The following RASGRF2 variants were observed in gnomAD, a reference collection of about 807,000 sequenced individuals.
The protein encoded by RASGRF2 is Ras protein specific guanine nucleotide releasing factor 2.
RASGRF2 carries 76 observed loss-of-function variants against 151.0 expected under a neutral mutation model. That is an observed-to-expected ratio of 0.50 (90% CI 0.42 to 0.61). The LOEUF is 0.61. RASGRF2 is among the 20% of genes least tolerant of loss of function. RASGRF2 has a pLI of 0.00. For missense variants in RASGRF2, 1,148 were observed against 1,564.6 expected (o/e 0.73, Z 4.49); for synonymous variants, 504 against 566.5 (o/e 0.89, Z 1.57).
At chr5:81,019,199 A>G (rs536113612) in intron 1 of RASGRF2, among the ~76,000 whole-genome samples, 1 of 151,510 alleles carries the variant, frequency 6.6e-6, no homozygotes, top group African/African-American at 2.4e-5. Flanking sequence ...CCTGGACTTC[A>G]GAGGACCACT....
chr5:81,182,036 G>A (rs1247207698), intron 18 of RASGRF2, among the ~76,000 whole-genome samples: 1 of 152,148 alleles, frequency 6.6e-6, no homozygotes, highest in African/African-American at 2.4e-5. Flanking sequence ...TTTACAGTAA[G>A]GTTTGCCACC....
At chr5:81,222,786 A>C (rs1755881526) in intron 26 of RASGRF2, among the ~76,000 whole-genome samples, 1 of 152,088 alleles carries the variant, frequency 6.6e-6, no homozygotes, top group Non-Finnish European at 1.5e-5. Context: ...TTGAACAGGA[A>C]AAAATTCACC....
At position 80,962,753 on chromosome 5, in the gene RASGRF2, T is replaced by C. The variant is rs1477262096; in HGVS notation, c.288+1727T>C. Among the ~76,000 whole-genome samples, 6 of 152,210 alleles carry C rather than the reference T, an allele frequency of 3.9e-5. No homozygotes were observed. In the East Asian group the frequency reaches 9.6e-4, roughly 24 times the overall value. The stretch of plus-strand genomic sequence containing the variant: ...TAATCTTCAAGACTGTTTTCTTTCT[T>C]GCACTTTAATAAGGAAACATAACTT... On this transcript the variant is annotated intron_variant, in intron 1 of 26. Coordinates refer to ENST00000265080, the MANE Select transcript of RASGRF2 (RefSeq NM_006909.3).
chr5:81,138,392 G>A (rs1431552017), intron 17 of RASGRF2, among the ~76,000 whole-genome samples: 3 of 152,152 alleles, frequency 2.0e-5, no homozygotes, highest in South Asian at 4.1e-4. Context: ...AGAGGGGACT[G>A]GAATGGGAAA....
At chr5:81,024,050 G>T (rs1749923251) in intron 1 of RASGRF2, among the ~76,000 whole-genome samples, 1 of 152,056 alleles carries the variant, frequency 6.6e-6, no homozygotes, top group Non-Finnish European at 1.5e-5. Flanking sequence ...GAACTTGAGA[G>T]TTAAGAACTA....
intron 17 of RASGRF2, among the ~76,000 whole-genome samples, chr5:81,158,825 C>T (rs1183132274): frequency 1.3e-5 from 2 of 152,194 alleles, no homozygotes; most frequent in African/African-American, 4.8e-5. Flanking sequence ...AACCCTCATA[C>T]ATTACTGGTG....
intron 21 of RASGRF2, among the ~76,000 whole-genome samples, 172 bp downstream of exon 21, chr5:81,207,521 G>C (rs1319609686): frequency 1.3e-5 from 2 of 152,212 alleles, no homozygotes; most frequent in African/African-American, 4.8e-5. Context: ...CACTCTGCAG[G>C]ATGGGAGCAG....
chr5:81,070,442 T>A (rs1751737122), intron 3 of RASGRF2, 50 bp from the exon 4 acceptor site: 1 of 1,461,186 alleles, frequency 6.8e-7, no homozygotes, highest in Non-Finnish European at 9.6e-7. Flanking sequence ...TGTGTATGGC[T>A]ATAATCCAGC....
intron 1 of RASGRF2, among the ~76,000 whole-genome samples, chr5:81,034,198 A>C (rs923615172): frequency 2.0e-5 from 3 of 152,228 alleles, no homozygotes; most frequent in African/African-American, 4.8e-5. Flanking sequence ...ACATGAAAAA[A>C]TGCTCACCAT....
At chr5:81,070,470 A>G in intron 3 of RASGRF2, 22 bp from the exon 4 acceptor site, 1 of 1,556,890 alleles carries the variant, frequency 6.4e-7, no homozygotes, top group Non-Finnish European at 8.9e-7. Context: ...AAATCATGAA[A>G]TGGACCAACT....
At chr5:81,119,570 G>C (rs1377279186) in intron 15 of RASGRF2, among the ~76,000 whole-genome samples, 1 of 152,204 alleles carries the variant, frequency 6.6e-6, no homozygotes, top group Non-Finnish European at 1.5e-5. Flanking sequence ...ATGAGAAAGA[G>C]CTGGATCAAG....
Position 81,040,946 on chromosome 5 carries a change from T to C in RASGRF2, c.289-1931T>C, listed in dbSNP as rs576373138. Among the ~76,000 whole-genome samples the C allele has an allele frequency of 1.2e-4, 19 of 152,320 alleles. No individual in the cohort carries two copies. In the South Asian group the frequency reaches 3.7e-3, roughly 30 times the overall value. Reference sequence around the variant, plus strand: ...GGATCTAGTGGCTTGTTTTAAAGCATTTTGAAACTTTATAGGCTAGAGCAT... The same window carrying C: ...GGATCTAGTGGCTTGTTTTAAAGCACTTTGAAACTTTATAGGCTAGAGCAT... On this transcript the variant is annotated intron_variant, in intron 1 of 26. Transcript: ENST00000265080.
chr5:81,136,759 G>A (rs1753763028), intron 17 of RASGRF2, among the ~76,000 whole-genome samples: 1 of 151,922 alleles, frequency 6.6e-6, no homozygotes, highest in Non-Finnish European at 1.5e-5. Flanking sequence ...CTTTGAAATT[G>A]TCCCACAGTT....
At chr5:80,986,070 T>C (rs1748464250) in intron 1 of RASGRF2, among the ~76,000 whole-genome samples, 1 of 152,170 alleles carries the variant, frequency 6.6e-6, no homozygotes, top group African/African-American at 2.4e-5. Flanking sequence ...GAGCCCTAGC[T>C]AGCAAGCAGA....
At chr5:81,125,737 T>TTAA (rs1465415934) in intron 16 of RASGRF2, among the ~76,000 whole-genome samples, 1 of 152,252 alleles carries the variant, frequency 6.6e-6, no homozygotes, top group Non-Finnish European at 1.5e-5. Context: ...TATAAAATTT[T>TTAA]TAATTCACAT....
intron 17 of RASGRF2, among the ~76,000 whole-genome samples, chr5:81,176,250 A>G (rs529456928): frequency 6.6e-6 from 1 of 152,336 alleles, no homozygotes; most frequent in South Asian, 2.1e-4. Flanking sequence ...TAATTTAAAT[A>G]TGGACTACAC....
intron 17 of RASGRF2, among the ~76,000 whole-genome samples, chr5:81,127,650 A>G (rs1753494562): frequency 6.6e-6 from 1 of 152,142 alleles, no homozygotes; most frequent in Non-Finnish European, 1.5e-5. Flanking sequence ...TTGGCCAGGC[A>G]CAGTGGCTCA....
At chr5:81,110,409 T>G (rs973736035) in intron 13 of RASGRF2, among the ~76,000 whole-genome samples, 50 of 152,358 alleles carry the variant, frequency 3.3e-4, no homozygotes, top group African/African-American at 1.2e-3. Flanking sequence ...CTAAATAATT[T>G]CATAATATTT....
chr5:81,071,483 A>G (rs1414009690), intron 4 of RASGRF2, among the ~76,000 whole-genome samples: 1 of 152,180 alleles, frequency 6.6e-6, no homozygotes, highest in African/African-American at 2.4e-5. Context: ...AATTTTAGAG[A>G]CTATCATGTT....
Sources: gnomAD v4.1 joint callset for allele counts (sites outside exome capture counted in the v4.1 genomes callset) on GRCh38, gnomAD v4.1.1 for gene constraint, MANE v1.5 for transcripts, NCBI Gene and HGNC (gene_info 2026-07-23, HGNC 2026-07-21) for gene names.